PCCA: variants seen among roughly 807,000 people sequenced by gnomAD.
PCCA encodes propionyl-CoA carboxylase subunit alpha.
Under a neutral mutation model 101.3 loss-of-function variants are expected in PCCA, and 74 were observed. The observed-to-expected ratio is 0.73, with a 90% confidence interval of 0.61 to 0.89. The LOEUF (loss-of-function observed/expected upper bound fraction) is 0.89. Among genes scored for constraint, PCCA ranks in the 40% least tolerant of loss-of-function variants. The pLI is 0.00. For synonymous variants in PCCA, 294 were observed against 313.6 expected (o/e 0.94, Z 0.66); for missense variants, 891 against 907.0 (o/e 0.98, Z 0.23).
At chr13:100,105,793 G>A (rs143934497) in intron 2 of PCCA, among the ~76,000 whole-genome samples, 1,714 of 128,940 alleles carry the variant, frequency 0.013, 14 homozygotes, top group South Asian at 0.021. Flanking sequence ...AGTGAGCCAT[G>A]ATTGCACCAC....
chr13:100,520,634 CAAAAAAAAAAA>C (rs374566196), intron 22 of PCCA, among the ~76,000 whole-genome samples: 1 of 68,260 alleles, frequency 1.5e-5, no homozygotes, highest in Non-Finnish European at 2.6e-5. Context: ...GACTCCGTCT[CAAAAAAAAAAA>C]AAAAAAAAAA....
At chr13:100,172,663 A>G (rs1205471663) in intron 6 of PCCA, among the ~76,000 whole-genome samples, 1 of 152,268 alleles carries the variant, frequency 6.6e-6, no homozygotes, top group East Asian at 1.9e-4. Context: ...GTACAAGCAA[A>G]CAAAGTTGAT....
intron 22 of PCCA, among the ~76,000 whole-genome samples, chr13:100,521,301 G>A (rs1372951348): frequency 6.6e-6 from 1 of 152,236 alleles, no homozygotes; most frequent in Non-Finnish European, 1.5e-5. Flanking sequence ...CCAGGCAGAC[G>A]GCACGTGTGC....
intron 21 of PCCA, among the ~76,000 whole-genome samples, chr13:100,500,157 A>G (rs560375678): frequency 3.6e-4 from 55 of 152,222 alleles, no homozygotes; most frequent in Non-Finnish European, 5.6e-4. Flanking sequence ...GATTGAGGCG[A>G]TCAGTGTTAA....
chr13:100,219,410 A>T (rs920638021), intron 7 of PCCA, among the ~76,000 whole-genome samples: 1 of 152,068 alleles, frequency 6.6e-6, no homozygotes, highest in African/African-American at 2.4e-5. Flanking sequence ...CCATCAGGAG[A>T]GTGTTTGATC....
chr13:100,157,056 G>T (rs2053960486), intron 5 of PCCA, among the ~76,000 whole-genome samples: 1 of 152,194 alleles, frequency 6.6e-6, no homozygotes, highest in Non-Finnish European at 1.5e-5. Context: ...TGTGGAAAAT[G>T]AATCAGTTAG....
chr13:100,185,155 A>G (rs148204664), intron 6 of PCCA, among the ~76,000 whole-genome samples: 236 of 152,312 alleles, frequency 1.5e-3, no homozygotes, highest in African/African-American at 5.4e-3. Flanking sequence ...CATCCCAGGA[A>G]CACTGTCCTA....
chr13:100,092,635 C>T (rs1452797985), intron 1 of PCCA, among the ~76,000 whole-genome samples: 1 of 152,176 alleles, frequency 6.6e-6, no homozygotes. Context: ...CTCAAGCAAT[C>T]CACCCACCTC....
chr13:100,446,195 G>C (rs556551122), intron 20 of PCCA, among the ~76,000 whole-genome samples: 1 of 151,980 alleles, frequency 6.6e-6, no homozygotes, highest in African/African-American at 2.4e-5. Context: ...CTGCCACCAC[G>C]CCCGGCTACT....
chr13:100,514,124 G>C (rs1368388144), intron 21 of PCCA, among the ~76,000 whole-genome samples: 1 of 152,152 alleles, frequency 6.6e-6, no homozygotes, highest in Non-Finnish European at 1.5e-5. Flanking sequence ...GCTTTTATTT[G>C]CACTGTAATT....
intron 21 of PCCA, among the ~76,000 whole-genome samples, chr13:100,467,606 A>G (rs9300604): frequency 0.2 from 29,870 of 152,172 alleles, 6,162 homozygotes; most frequent in African/African-American, 0.53. Flanking sequence ...TCCTGACCTC[A>G]TGATCCACCC....
chr13:100,209,183 G>A (rs1229945780), intron 6 of PCCA, 149 bp from the exon 7 acceptor site: 1 of 658,956 alleles, frequency 1.5e-6, no homozygotes, highest in Admixed American at 2.5e-5. Context: ...ATGCAATATA[G>A]TATTTTAATG....
chr13:100,188,291 C>CA (rs756051251), intron 6 of PCCA, among the ~76,000 whole-genome samples: 4 of 87,596 alleles, frequency 4.6e-5, no homozygotes, highest in South Asian at 8.2e-4. Flanking sequence ...GACTCTGTCT[C>CA]AAAAAAACAA....
chr13:100,525,468 C>G (rs1298740464), intron 22 of PCCA, among the ~76,000 whole-genome samples: 1 of 152,260 alleles, frequency 6.6e-6, no homozygotes, highest in East Asian at 1.9e-4. Flanking sequence ...CTCCTGTCCA[C>G]CACCCACTTG....
At position 100,102,948 on chromosome 13, in the gene PCCA, T is replaced by C; in HGVS notation, c.171T>C (p.Asp57=). 6.3e-7 allele frequency: 1 copy of C among 1,595,772 alleles called. No homozygotes were observed. Among genetic ancestry groups the C allele is most frequent in the Non-Finnish European group, 8.6e-7 (1 of 1,163,370 alleles). Residue 57 remains aspartate (D), a synonymous_variant, in exon 2 of 24, where the codon GAT becomes GAC. Transcript: ENST00000376285. ...GTAATCTTGGTTCAGTGGGATATGA[T>C]CCTAATGAAAAAGTAAGTATTTAAA... ...VSRNLGSVGY[D]PNEKTFDKIL... is the part of the protein sequence containing the mutation.
intron 14 of PCCA, chr13:100,305,758 C>G: frequency 2.5e-6 from 1 of 399,220 alleles, no homozygotes; most frequent in Non-Finnish European, 5.1e-6. Context: ...TAGTTTTTGT[C>G]AACACTGTGA....
intron 19 of PCCA, among the ~76,000 whole-genome samples, chr13:100,420,184 C>T (rs1006248244): frequency 6.6e-6 from 1 of 152,074 alleles, no homozygotes; most frequent in Non-Finnish European, 1.5e-5. Flanking sequence ...CTTTTATTGT[C>T]AATTAAAGGC....
At chr13:100,170,771 CT>C (rs1311677528) in intron 6 of PCCA, among the ~76,000 whole-genome samples, 1 of 152,196 alleles carries the variant, frequency 6.6e-6, no homozygotes, top group Non-Finnish European at 1.5e-5. Flanking sequence ...AATATATGCT[CT>C]TACTGATTAG....
intron 18 of PCCA, among the ~76,000 whole-genome samples, chr13:100,359,085 G>A (rs1436078549): frequency 1.0e-5 from 1 of 96,932 alleles, no homozygotes; most frequent in Non-Finnish European, 1.9e-5. Flanking sequence ...GGGCAACAGA[G>A]CAAGACTCCT....
Sources: allele counts gnomAD v4.1 joint callset (sites outside exome capture counted in the v4.1 genomes callset), GRCh38; gene constraint gnomAD v4.1.1; transcripts MANE v1.5; gene names NCBI Gene and HGNC (gene_info 2026-07-23, HGNC 2026-07-21).